CNR1: variants seen among roughly 807,000 people sequenced by gnomAD.
CNR1 encodes the protein cannabinoid receptor 1, also known as cannabinoid receptor 1 (brain).
A neutral mutation model predicts 23.0 loss-of-function variants in CNR1; 10 were observed. The observed-to-expected ratio is 0.43, with a 90% confidence interval of 0.27 to 0.74. The LOEUF (loss-of-function observed/expected upper bound fraction) is 0.74, where lower values mean the gene tolerates loss of function less well. Ranked by LOEUF, CNR1 falls within the 30% of genes least tolerant of loss-of-function variation. The pLI is 0.19. For synonymous variants in CNR1, 271 were observed against 255.2 expected, an observed-to-expected ratio of 1.06 and a Z score of -0.59; for missense variants, 422 against 618.8, an observed-to-expected ratio of 0.68 and a Z score of 3.37.
At chr6:88,155,855 G>GT (rs1177347760) in intron 1 of CNR1, among the ~76,000 whole-genome samples, 2 of 152,124 alleles carry the variant, frequency 1.3e-5, no homozygotes, top group African/African-American at 4.8e-5. Context: ...AAGGGAAGGT[G>GT]TTTTTTTGCT....
At chr6:88,160,023 C>G (rs545729153) in intron 1 of CNR1, among the ~76,000 whole-genome samples, 3 of 151,824 alleles carry the variant, frequency 2.0e-5, no homozygotes, top group South Asian at 4.2e-4. Flanking sequence ...GGTTAACTTG[C>G]TATATTAAAA....
chr6:88,144,618 G>T lies in CNR1; in HGVS notation c.657C>A (p.His219Gln). ...LTAIDRYISI[H>Q]RPLAYKRIVT... Reference sequence around the variant, plus strand: ...CAATCCTCTTATAGGCCAGGGGCCTGTGAATGGATATGTACCTGTCGATGG... The same window carrying T: ...CAATCCTCTTATAGGCCAGGGGCCTTTGAATGGATATGTACCTGTCGATGG... Residue 219 changes from histidine to glutamine, a missense_variant, in exon 2 of 2, where the codon CAC becomes CAA. Physicochemically the swap from His to Gln is conservative, Grantham distance 24. This residue lies in a region of CNR1 where 211 missense variants were observed against 357.3 expected (regional missense o/e 0.59). Transcript: ENST00000369501. The surrounding 1 kb of genome is among the most constrained non-coding windows in gnomAD (Gnocchi z 7.8). The T allele has an allele frequency of 6.2e-7, 1 of 1,614,246 alleles. No individual in the cohort carries two copies. The highest frequency in any genetic ancestry group is 8.5e-7 in the Non-Finnish European group (1 of 1,180,048).
chr6:88,159,796 G>A (rs891718202), intron 1 of CNR1, among the ~76,000 whole-genome samples: 28 of 152,248 alleles, frequency 1.8e-4, no homozygotes, highest in African/African-American at 6.5e-4. Context: ...AGCAAATTCT[G>A]GTAGCAATGC....
Position 88,143,811 on chromosome 6 carries a change from T to TA in CNR1, c.*44dup, listed in dbSNP as rs745517223. 0.011 allele frequency: 12,877 copies of TA among 1,183,370 alleles called. No homozygotes were observed. Among genetic ancestry groups the TA allele is most frequent in the Non-Finnish European group, 0.013 (10,795 of 862,802 alleles). The allele number at this position is 1,183,370 out of a possible 1,614,324, so 73.3% of individuals were successfully genotyped here. On this transcript the variant is annotated 3_prime_UTR_variant, in exon 2 of 2. Coordinates refer to ENST00000369501, the MANE Select transcript of CNR1 (RefSeq NM_016083.6). Reference sequence around the variant, plus strand: ...AATAGACTCTTCTAGATTTTGAGCTTAAAAAAAAAAATTCTTTTCCTGTGC... The same window carrying TA: ...AATAGACTCTTCTAGATTTTGAGCTTAAAAAAAAAAAATTCTTTTCCTGTGC...
chr6:88,151,073 C>T (rs563166534), intron 1 of CNR1, among the ~76,000 whole-genome samples: 2 of 152,118 alleles, frequency 1.3e-5, no homozygotes, highest in Admixed American at 6.6e-5. Flanking sequence ...TGACACTGAG[C>T]CTATTACATA....
chr6:88,159,036 T>C (rs1205269319), intron 1 of CNR1, among the ~76,000 whole-genome samples: 1 of 152,202 alleles, frequency 6.6e-6, no homozygotes, highest in African/African-American at 2.4e-5. Flanking sequence ...TAATGTGTAC[T>C]GATATAATAC....
At chr6:88,158,104 G>C (rs1445786494) in intron 1 of CNR1, among the ~76,000 whole-genome samples, 1 of 152,186 alleles carries the variant, frequency 6.6e-6, no homozygotes, top group Non-Finnish European at 1.5e-5. Flanking sequence ...AGAAAAATAT[G>C]CTTTCAAGAT....
chr6:88,147,433 C>T (rs1393414933), intron 1 of CNR1, among the ~76,000 whole-genome samples: 2 of 152,126 alleles, frequency 1.3e-5, no homozygotes, highest in East Asian at 1.9e-4. Context: ...TCTGGGGACA[C>T]CCAGTCTAGA....
intron 1 of CNR1, among the ~76,000 whole-genome samples, chr6:88,154,498 T>C (rs1448265132): frequency 2.0e-5 from 3 of 152,278 alleles, no homozygotes; most frequent in Admixed American, 6.5e-5. Flanking sequence ...TCTGTTTAGC[T>C]GTTTCCTCCA....
At chr6:88,161,952 C>T (rs1338612307) in intron 1 of CNR1, among the ~76,000 whole-genome samples, 1 of 152,210 alleles carries the variant, frequency 6.6e-6, no homozygotes, top group African/African-American at 2.4e-5. Flanking sequence ...CCAACTTGTA[C>T]AGCCCTAATT....
At chr6:88,165,456 G>T (rs1428541563) in intron 1 of CNR1, among the ~76,000 whole-genome samples, 1 of 152,230 alleles carries the variant, frequency 6.6e-6, no homozygotes, top group African/African-American at 2.4e-5. Flanking sequence ...AGAGATCGAT[G>T]TATTTCCCTG....
chr6:88,165,465 T>C lies in CNR1; in HGVS notation c.-64+338A>G, dbSNP rs7754645. Among the ~76,000 whole-genome samples, 899 of 152,342 alleles carry C rather than the reference T, an allele frequency of 5.9e-3. 3 individuals are homozygous for C. Among genetic ancestry groups the C allele is most frequent in the Non-Finnish European group, 8.4e-3 (574 of 68,022 alleles). ...TGCAGCAGAGATCGATGTATTTCCC[T>C]GGGAAGACTTAGCTGCTAACATGGT... On this transcript the variant is annotated intron_variant, in intron 1 of 1. Transcript: ENST00000369501.
chr6:88,156,494 T>C (rs1777805046), intron 1 of CNR1, among the ~76,000 whole-genome samples: 1 of 151,756 alleles, frequency 6.6e-6, no homozygotes, highest in Non-Finnish European at 1.5e-5. Context: ...GTTGAAAGAG[T>C]AGAATAGGTT....
chr6:88,150,465 T>C (rs1203881619), intron 1 of CNR1, among the ~76,000 whole-genome samples: 1 of 152,216 alleles, frequency 6.6e-6, no homozygotes, highest in African/African-American at 2.4e-5. Flanking sequence ...AAACAGTAAT[T>C]AACATTATTA....
In CNR1 at chr6:88,144,297, C is replaced by A. The variant is rs753881911; in HGVS notation, c.978G>T (p.Lys326Asn). The A allele has an allele frequency of 1.2e-6, 2 of 1,612,198 alleles. No homozygotes were observed. The highest frequency in any genetic ancestry group is 2.2e-5 in the South Asian group (2 of 91,078). ...SIIIHTSEDG[K>N]VQVTRPDQAR... ...CTTGGTCTGGCCGGGTCACCTGTAC[C>A]TTCCCATCCTCAGACGTGTGGATGA... The change falls in exon 2 of 2, where the codon AAG becomes AAT. Residue 326 changes from lysine to asparagine, a missense_variant. By Grantham distance (94) the Lys-to-Asn change is moderately conservative. Coordinates refer to ENST00000369501, the MANE Select transcript of CNR1 (RefSeq NM_016083.6). This position sits in a 1 kb window ranked among gnomAD's most constrained non-coding sequence, Gnocchi z 7.8.
At chr6:88,157,293 C>T (rs16880287) in intron 1 of CNR1, among the ~76,000 whole-genome samples, 1 of 152,122 alleles carries the variant, frequency 6.6e-6, no homozygotes, top group African/African-American at 2.4e-5. Flanking sequence ...CAAGAGAAGT[C>T]ACGTGAAAAT....
chr6:88,150,562 T>G (rs768651412), intron 1 of CNR1, among the ~76,000 whole-genome samples: 6 of 152,224 alleles, frequency 3.9e-5, no homozygotes, highest in Non-Finnish European at 8.8e-5. Context: ...TCAGCTGCCT[T>G]AAGGATCTGT....
chr6:88,146,396 G>A (rs1777187652), intron 1 of CNR1, among the ~76,000 whole-genome samples: 1 of 152,188 alleles, frequency 6.6e-6, no homozygotes, highest in African/African-American at 2.4e-5. Flanking sequence ...GTGAGCCACT[G>A]TGCCCGGCCA....
In CNR1 at chr6:88,142,913, A is replaced by T. The variant is rs143018339; in HGVS notation, c.*943T>A. The T allele has an allele frequency of 3.3e-5, 5 of 152,900 alleles. No homozygotes were observed. Among genetic ancestry groups the T allele is most frequent in the African/African-American group, 1.2e-4 (5 of 41,540 alleles). The allele number at this position is 152,900 out of a possible 1,614,324, so 9.5% of individuals were successfully genotyped here. ...GAATATAGGAACACAATACTATTCA[A>T]GTAAACAGCAACTGCACAGTGATAA... On this transcript the variant is annotated 3_prime_UTR_variant, in exon 2 of 2. Coordinates refer to ENST00000369501, the MANE Select transcript of CNR1 (RefSeq NM_016083.6).
Sources: gnomAD v4.1 joint callset for allele counts (sites outside exome capture counted in the v4.1 genomes callset) on GRCh38, gnomAD v4.1.1 for gene constraint, gnomAD v4.1.1 regional missense constraint, Gnocchi (gnomAD v3.1) non-coding constraint, MANE v1.5 for transcripts, NCBI Gene and HGNC (gene_info 2026-07-23, HGNC 2026-07-21) for gene names.